The following MSMO1 variants were observed in gnomAD, a reference collection of about 807,000 sequenced individuals.
MSMO1 encodes methylsterol monooxygenase 1, also known as C-4 methylsterol oxidase.
In MSMO1, 18 loss-of-function variants were observed where a neutral mutation model predicts 30.4. The observed-to-expected ratio is 0.59, with a 90% CI of 0.41 to 0.88. The LOEUF (loss-of-function observed/expected upper bound fraction) is 0.88, where lower values mean the gene tolerates loss of function less well. MSMO1 is among the 40% of genes least tolerant of loss of function. The pLI is 0.00. For missense variants in MSMO1, 284 were observed against 340.5 expected (o/e 0.83, Z 1.31); for synonymous variants, 84 against 107.9 (o/e 0.78, Z 1.37).
chr4:165,340,440 AT>A, intron 5 of MSMO1, 65 bp downstream of exon 5: 1 of 1,348,596 alleles, frequency 7.4e-7, no homozygotes, highest in Non-Finnish European at 1.1e-6. Flanking sequence ...TGGCCATAAG[AT>A]TATCATATTT....
At position 165,340,221 on chromosome 4, in the gene MSMO1, G is replaced by C; in HGVS notation, c.532G>C (p.Ala178Pro). 1 of 1,613,266 alleles carries C rather than the reference G, an allele frequency of 6.2e-7. No individual in the cohort carries two copies. The highest frequency in any genetic ancestry group is 8.5e-7 in the Non-Finnish European group (1 of 1,179,680). The change falls in exon 5 of 6, where the codon GCT becomes CCT. Residue 178 changes from alanine (A) to proline (P), a missense_variant and splice_region_variant. By Grantham distance (27) the Ala-to-Pro change is conservative. Coordinates refer to ENST00000261507, the MANE Select transcript of MSMO1 (RefSeq NM_006745.5). ...YIHKVHHEFQ[A>P]PFGMEAEYAH... ...AGAATTTCTTATCTGTTTGTCTTAG[G>C]CTCCATTTGGAATGGAAGCTGAATA...
intron 3 of MSMO1, among the ~76,000 whole-genome samples, chr4:165,338,304 GTGTATATATATATA>G (rs1248636128): frequency 2.0e-5 from 2 of 101,732 alleles, no homozygotes; most frequent in African/African-American, 2.8e-5. Context: ...AAATATGTAT[GTGTATATATATATA>G]TATATATATA....
chr4:165,339,936 A>G lies in MSMO1; in HGVS notation c.532-285A>G, dbSNP rs527307188. ...GGAGCAGCAAGTTGGAAACTCAGGC[A>G]GGGTTTCAGTGTTGCAGTCTCGAGA... On this transcript the variant is annotated intron_variant, in intron 4 of 5. Transcript: ENST00000261507. 6.8e-4 allele frequency among the ~76,000 whole-genome samples: 103 copies of G among 152,330 alleles called. 1 individual carries two copies. Among genetic ancestry groups the G allele is most frequent in the African/African-American group, 2.3e-3 (97 of 41,584 alleles).
intron 2 of MSMO1, 96 bp from the exon 3 acceptor site, chr4:165,337,693 G>A (rs878972604): frequency 2.7e-5 from 34 of 1,251,798 alleles, no homozygotes; most frequent in South Asian, 1.1e-4. Flanking sequence ...CATAACTGAC[G>A]TAGAATTAAG....
At chr4:165,335,058 A>G (rs1483414594) in intron 2 of MSMO1, among the ~76,000 whole-genome samples, 3 of 152,220 alleles carry the variant, frequency 2.0e-5, no homozygotes, top group African/African-American at 7.2e-5. Flanking sequence ...GAGATGATTT[A>G]AAGTATACGA....
chr4:165,329,579 A>G (rs1747331555), intron 1 of MSMO1, among the ~76,000 whole-genome samples: 1 of 151,440 alleles, frequency 6.6e-6, no homozygotes, highest in Non-Finnish European at 1.5e-5. Context: ...AACTCCAAAA[A>G]AAAAAAAAAA....
In MSMO1 at chr4:165,337,934, G is replaced by A; in HGVS notation, c.401G>A (p.Arg134Lys). ...NIPYDWERMP[R>K]WYFLLARCFG... is the part of the protein sequence containing the mutation. ...CCTTATGATTGGGAAAGAATGCCAAGATGGTACGTAGATAAAAATTTGGCT... is the reference window on the plus strand; with the variant it reads ...CCTTATGATTGGGAAAGAATGCCAAAATGGTACGTAGATAAAAATTTGGCT... Residue 134 changes from arginine to lysine, a missense_variant, in exon 3 of 6, where the codon AGA (arginine) becomes AAA (lysine). Transcript: ENST00000261507. 2.5e-6 allele frequency: 4 copies of A among 1,613,250 alleles called. No individual in the cohort carries two copies. The South Asian group carries it at 4.4e-5, about 18-fold the overall frequency.
intron 5 of MSMO1, among the ~76,000 whole-genome samples, chr4:165,340,900 G>A (rs973140421): frequency 1.3e-5 from 2 of 151,908 alleles, no homozygotes; most frequent in African/African-American, 4.8e-5. Context: ...ATTTTGACTT[G>A]GGACATACTT....
chr4:165,330,685 G>C (rs114882261), intron 1 of MSMO1, among the ~76,000 whole-genome samples: 1 of 152,182 alleles, frequency 6.6e-6, no homozygotes, highest in Non-Finnish European at 1.5e-5. Flanking sequence ...AGTGAGTTGT[G>C]TGGGTGAGTT....
intron 4 of MSMO1, among the ~76,000 whole-genome samples, chr4:165,339,938 G>A (rs1033718948): frequency 1.3e-5 from 2 of 152,134 alleles, no homozygotes; most frequent in African/African-American, 4.8e-5. Context: ...ACTCAGGCAG[G>A]GTTTCAGTGT....
rs747123908 is a variant in MSMO1 at position 165,341,860 on chromosome 4, A to T, written c.796A>T (p.Thr266Ser). 1 of 1,613,410 alleles carries T rather than the reference A, an allele frequency of 6.2e-7. No homozygotes were observed. The change falls in exon 6 of 6, where the codon ACA (threonine) becomes TCA (serine). Residue 266 changes from threonine (T) to serine (S), a missense_variant. By Grantham distance (58) the Thr-to-Ser change is moderately conservative. Transcript: ENST00000261507. Reference protein sequence around the residue: ...NFIGNYASTFTWWDRIFGTDS... With the variant: ...NFIGNYASTFSWWDRIFGTDS... ...CATTGGAAACTATGCTTCAACATTT[A>T]CATGGTGGGATCGAATTTTTGGAAC...
At chr4:165,330,024 G>A (rs1368515302) in intron 1 of MSMO1, among the ~76,000 whole-genome samples, 1 of 152,142 alleles carries the variant, frequency 6.6e-6, no homozygotes, top group Non-Finnish European at 1.5e-5. Context: ...GAAATAAGAA[G>A]ATAAAGACAA....
At chr4:165,332,104 C>CT (rs1747411245) in intron 1 of MSMO1, among the ~76,000 whole-genome samples, 1 of 151,736 alleles carries the variant, frequency 6.6e-6, no homozygotes, top group Non-Finnish European at 1.5e-5. Flanking sequence ...CCACACAACT[C>CT]TGTTTTCCTA....
In MSMO1 at chr4:165,337,779, T is replaced by G; in HGVS notation, c.256-10T>G. ...AGACTAATATTAGATATTGTGATTT[T>G]TCTTCGTAGGATAAGCCAGAGACAT... is the stretch of plus-strand genomic sequence containing the variant. On this transcript the variant is annotated splice_polypyrimidine_tract_variant and intron_variant, in intron 2 of 5. Coordinates refer to ENST00000261507, the MANE Select transcript of MSMO1 (RefSeq NM_006745.5). 1 of 1,613,368 alleles carries G rather than the reference T, an allele frequency of 6.2e-7. No homozygotes were observed. The highest frequency in any genetic ancestry group is 8.5e-7 in the Non-Finnish European group (1 of 1,179,560).
intron 1 of MSMO1, among the ~76,000 whole-genome samples, chr4:165,332,954 T>C (rs1364149585): frequency 6.6e-6 from 1 of 152,188 alleles, no homozygotes; most frequent in African/African-American, 2.4e-5. Context: ...TGGCAGGCTT[T>C]TTCTTTATAG....
At chr4:165,337,331 G>A (rs1747581930) in intron 2 of MSMO1, among the ~76,000 whole-genome samples, 1 of 152,118 alleles carries the variant, frequency 6.6e-6, no homozygotes, top group South Asian at 2.1e-4. Flanking sequence ...CATTGGATTT[G>A]AACAAAAGTG....
Position 165,340,383 on chromosome 4 carries a change from T to G in MSMO1, c.686+8T>G, listed in dbSNP as rs1194396124. On this transcript the variant is annotated splice_region_variant and intron_variant, in intron 5 of 5. Coordinates refer to ENST00000261507, the MANE Select transcript of MSMO1 (RefSeq NM_006745.5). ...AACTATTGATGTCCATAGGTGAGTA[T>G]TAATTTCTGTTCAGGTATAAAGCAT... is the stretch of plus-strand genomic sequence containing the variant. 1 of 1,607,530 alleles carries G rather than the reference T, an allele frequency of 6.2e-7. No homozygotes were observed. The highest frequency in any genetic ancestry group is 2.2e-5 in the East Asian group (1 of 44,790).
intron 1 of MSMO1, among the ~76,000 whole-genome samples, chr4:165,329,748 C>T (rs1209992359): frequency 6.7e-6 from 1 of 149,666 alleles, no homozygotes; most frequent in Non-Finnish European, 1.5e-5. Flanking sequence ...AATTCTCCTG[C>T]CTCAGCCTCC....
At chr4:165,340,597 G>A in intron 5 of MSMO1, 1 of 542,232 alleles carries the variant, frequency 1.8e-6, no homozygotes, top group Non-Finnish European at 3.3e-6. Flanking sequence ...ATTAGGGCAA[G>A]TATATATTCA....
Sources: gnomAD v4.1 joint callset for allele counts (sites outside exome capture counted in the v4.1 genomes callset) on GRCh38, gnomAD v4.1.1 for gene constraint, MANE v1.5 for transcripts, NCBI Gene and HGNC (gene_info 2026-07-23, HGNC 2026-07-21) for gene names.